ASIC2: variants seen among roughly 807,000 people sequenced by gnomAD.
ASIC2 encodes the protein acid-sensing ion channel 2.
Under a neutral mutation model 57.3 loss-of-function variants are expected in ASIC2, and 25 were observed. That is an observed-to-expected ratio of 0.44 (90% CI 0.32 to 0.61). The LOEUF (loss-of-function observed/expected upper bound fraction) is 0.61, where lower values mean the gene tolerates loss of function less well. Among genes scored for constraint, ASIC2 ranks in the 20% least tolerant of loss-of-function variants. The pLI is 0.06. For synonymous variants in ASIC2, 319 were observed against 307.5 expected (o/e 1.04, Z -0.39); for missense variants, 641 against 738.1 (o/e 0.87, Z 1.52).
At chr17:33,387,712 A>G (rs1909736716) in intron 1 of ASIC2, among the ~76,000 whole-genome samples, 1 of 152,244 alleles carries the variant, frequency 6.6e-6, no homozygotes, top group South Asian at 2.1e-4. Context: ...CCGGAAAGCA[A>G]TCTTCTAAGA....
At chr17:33,778,727 C>G (rs1185662359) in intron 1 of ASIC2, among the ~76,000 whole-genome samples, 1 of 152,102 alleles carries the variant, frequency 6.6e-6, no homozygotes, top group East Asian at 1.9e-4. Context: ...GACGTCCTCT[C>G]CAAGATAAGA....
intron 1 of ASIC2, among the ~76,000 whole-genome samples, chr17:33,861,587 A>C (rs1367203310): frequency 6.6e-6 from 1 of 152,156 alleles, no homozygotes. Context: ...TAATGCATTA[A>C]ATTTTCTTTA....
rs1213097339 is a variant in ASIC2, at chr17:33,102,311, T to C, written c.859+9606A>G. Among the ~76,000 whole-genome samples the C allele has an allele frequency of 3.3e-5, 5 of 152,240 alleles. No individual in the cohort carries two copies. The East Asian group carries it at 7.7e-4, about 23-fold the overall frequency. On this transcript the variant is annotated intron_variant, in intron 2 of 9. Coordinates refer to ENST00000225823, the MANE Select transcript of ASIC2 (RefSeq NM_183377.2). ...GGAAAACATTTTGCCATTGTCACTT[T>C]GCTTTGGCTGCTTCTGTTGAGAAGT...
chr17:33,319,000 C>T (rs1038985355), intron 1 of ASIC2, among the ~76,000 whole-genome samples: 1 of 152,196 alleles, frequency 6.6e-6, no homozygotes, highest in African/African-American at 2.4e-5. Context: ...AAACTATGCT[C>T]ACGCCTGTAA....
At chr17:33,968,827 C>T (rs1905144518) in intron 1 of ASIC2, among the ~76,000 whole-genome samples, 1 of 152,198 alleles carries the variant, frequency 6.6e-6, no homozygotes, top group African/African-American at 2.4e-5. Context: ...GATGACTCAG[C>T]AAAGATGTCA....
At chr17:33,141,501 A>G (rs2142018076) in intron 1 of ASIC2, among the ~76,000 whole-genome samples, 1 of 152,348 alleles carries the variant, frequency 6.6e-6, no homozygotes, top group African/African-American at 2.4e-5. Context: ...CCATTCCTTC[A>G]AGCACAGAGC....
intron 1 of ASIC2, among the ~76,000 whole-genome samples, chr17:33,895,503 C>T (rs1459135824): frequency 6.6e-6 from 1 of 152,188 alleles, no homozygotes; most frequent in Non-Finnish European, 1.5e-5. Flanking sequence ...AATAGTGAAG[C>T]AGCATGGCCT....
chr17:33,080,679 C>A (rs2092109695), intron 3 of ASIC2, among the ~76,000 whole-genome samples: 1 of 152,116 alleles, frequency 6.6e-6, no homozygotes, highest in African/African-American at 2.4e-5. Flanking sequence ...GACTCTTGCT[C>A]CTTGGGGCCA....
At chr17:33,234,491 A>C (rs1908222749) in intron 1 of ASIC2, among the ~76,000 whole-genome samples, 1 of 151,996 alleles carries the variant, frequency 6.6e-6, no homozygotes, top group Admixed American at 6.6e-5. Flanking sequence ...GCCCACAGGC[A>C]CTCATCTCCT....
intron 1 of ASIC2, among the ~76,000 whole-genome samples, chr17:34,149,685 C>T (rs899292713): frequency 5.9e-5 from 9 of 152,026 alleles, no homozygotes; most frequent in Non-Finnish European, 8.8e-5. Context: ...GTTAGCAATG[C>T]GATATTACCT....
intron 1 of ASIC2, among the ~76,000 whole-genome samples, chr17:34,028,857 C>T (rs1907476345): frequency 6.6e-6 from 1 of 152,170 alleles, no homozygotes; most frequent in African/African-American, 2.4e-5. Flanking sequence ...GTTCCATCTC[C>T]TACCAGTCCC....
At chr17:33,819,952 C>T (rs1406619993) in intron 1 of ASIC2, among the ~76,000 whole-genome samples, 1 of 152,166 alleles carries the variant, frequency 6.6e-6, no homozygotes, top group Non-Finnish European at 1.5e-5. Flanking sequence ...CCTCAGGCTT[C>T]GGTCTCCTGC....
intron 1 of ASIC2, among the ~76,000 whole-genome samples, chr17:33,144,187 A>C (rs2142021375): frequency 6.6e-6 from 1 of 152,266 alleles, no homozygotes; most frequent in Admixed American, 6.5e-5. Flanking sequence ...AAAAACAAAA[A>C]CAAAAAAACA....
chr17:33,820,204 C>T (rs1912704493), intron 1 of ASIC2, among the ~76,000 whole-genome samples: 1 of 152,102 alleles, frequency 6.6e-6, no homozygotes. Flanking sequence ...TATTGGAAGA[C>T]CTTTAAGTAT....
rs992303747 is a variant in ASIC2 at position 33,292,975 on chromosome 17, G to C, written c.-860C>G. ...GCAGGGAAGTGTCGCTTCTCGCCTCGGCTCTCCCAGGTGCCTCGCGTCTCC... is the reference window on the plus strand; with the variant it reads ...GCAGGGAAGTGTCGCTTCTCGCCTCCGCTCTCCCAGGTGCCTCGCGTCTCC... On this transcript the variant is annotated 5_prime_UTR_variant, in exon 1 of 10. Coordinates refer to ENST00000225823, the MANE Select transcript of ASIC2 (RefSeq NM_183377.2). The C allele has an allele frequency of 1.0e-6, 1 of 985,420 alleles. No individual in the cohort carries two copies. Among genetic ancestry groups the C allele is most frequent in the Non-Finnish European group, 1.2e-6 (1 of 830,016 alleles). The allele number at this position is 985,420 out of a possible 1,614,324, so 61.0% of individuals were successfully genotyped here.
rs1272879392 is a variant in ASIC2, at chr17:33,292,458, AG to A, written c.-344del. 1.0e-6 allele frequency: 1 copy of A among 985,226 alleles called. No individual in the cohort carries two copies. Among genetic ancestry groups the A allele is most frequent in the African/African-American group, 1.7e-5 (1 of 57,194 alleles). The allele number at this position is 985,226 out of a possible 1,614,324, so 61.0% of individuals were successfully genotyped here. On this transcript the variant is annotated 5_prime_UTR_variant, in exon 1 of 10. The change creates a new upstream start codon in the 5' untranslated region. Coordinates refer to ENST00000225823, the MANE Select transcript of ASIC2 (RefSeq NM_183377.2). ...GGGTCCCACTGGGAGCCGCCTCTCCAGTCCCTGGGTGCTGCGCCCGCCTTCC... is the reference window on the plus strand; with the variant it reads ...GGGTCCCACTGGGAGCCGCCTCTCCATCCCTGGGTGCTGCGCCCGCCTTCC...
intron 1 of ASIC2, among the ~76,000 whole-genome samples, chr17:33,841,873 G>A (rs941889301): frequency 6.6e-6 from 1 of 152,166 alleles, no homozygotes; most frequent in Non-Finnish European, 1.5e-5. Flanking sequence ...GTTTTACTAG[G>A]GGCCTACATA....
intron 1 of ASIC2, among the ~76,000 whole-genome samples, chr17:33,861,066 A>G (rs1914089004): frequency 6.6e-6 from 1 of 152,260 alleles, no homozygotes; most frequent in Non-Finnish European, 1.5e-5. Context: ...TTTTTTAACA[A>G]CAATAATTCT....
At chr17:33,243,603 A>G (rs901605589) in intron 1 of ASIC2, among the ~76,000 whole-genome samples, 3 of 152,200 alleles carry the variant, frequency 2.0e-5, no homozygotes, top group African/African-American at 7.2e-5. Flanking sequence ...TGTGGAATAG[A>G]CTGTGTGTGA....
Sources: gnomAD v4.1 joint callset for allele counts (sites outside exome capture counted in the v4.1 genomes callset) on GRCh38, gnomAD v4.1.1 for gene constraint, MANE v1.5 for transcripts, NCBI Gene and HGNC (gene_info 2026-07-23, HGNC 2026-07-21) for gene names.